The following XKR6 variants were observed in gnomAD, a reference collection of about 807,000 sequenced individuals.
XKR6 encodes the protein XK-related protein 6.
Under a neutral mutation model 56.7 loss-of-function variants are expected in XKR6, and 22 were observed. That is an observed-to-expected ratio of 0.39 (90% CI 0.28 to 0.55). The LOEUF (loss-of-function observed/expected upper bound fraction) is 0.55, where lower values mean the gene tolerates loss of function less well. Ranked by LOEUF, XKR6 falls within the 20% of genes least tolerant of loss-of-function variation. The probability of loss-of-function intolerance (pLI) is 0.66; values close to 1 mark genes in which losing one functional copy is unlikely to be tolerated. For missense variants in XKR6, 852 were observed against 889.0 expected (o/e 0.96, Z 0.53); for synonymous variants, 524 against 387.8 (o/e 1.35, Z -4.13).
At chr8:11,111,655 C>A (rs1798899725) in intron 1 of XKR6, 1 of 152,150 alleles carries the variant, frequency 6.6e-6, no homozygotes, top group African/African-American at 2.4e-5. Flanking sequence ...CAAAAGATAA[C>A]TGTCTCCAAA....
At chr8:10,933,538 G>T (rs1394246220) in intron 1 of XKR6, among the ~76,000 whole-genome samples, 3 of 122,496 alleles carry the variant, frequency 2.4e-5, no homozygotes, top group East Asian at 3.9e-4. Flanking sequence ...TAGGTCTAAC[G>T]TTTAAATCTT....
In XKR6 at chr8:11,200,465, T is replaced by C. The variant is rs1036557977; in HGVS notation, c.764+111A>G. ...CCAGGGGCGGCGCGCGGCCGGTCCC[T>C]CCTTCGAGCCCCCCGCGCTGGGCCC... On this transcript the variant is annotated intron_variant, in intron 1 of 2. Coordinates refer to ENST00000416569, the MANE Select transcript of XKR6 (RefSeq NM_173683.4). This position sits in a 1 kb window ranked among gnomAD's most constrained non-coding sequence, Gnocchi z 6.4. 2.3e-6 allele frequency: 3 copies of C among 1,285,714 alleles called. No homozygotes were observed. The highest frequency in any genetic ancestry group is 2.2e-5 in the South Asian group (1 of 45,406). 79.6% of individuals were successfully genotyped at this position (1,285,714 alleles called of 1,614,324 possible).
intron 1 of XKR6, among the ~76,000 whole-genome samples, chr8:11,160,516 C>T (rs1801743936): frequency 6.6e-6 from 1 of 152,098 alleles, no homozygotes; most frequent in Non-Finnish European, 1.5e-5. Flanking sequence ...GTCTGAGGGG[C>T]TCCAATACTG....
chr8:10,998,480 G>T (rs970902569), intron 1 of XKR6, among the ~76,000 whole-genome samples: 1 of 152,158 alleles, frequency 6.6e-6, no homozygotes, highest in Non-Finnish European at 1.5e-5. Context: ...TGACAGGCCT[G>T]GTAAGAGCTC....
intron 2 of XKR6, among the ~76,000 whole-genome samples, chr8:10,911,883 G>GTA (rs914054888): frequency 4.0e-5 from 6 of 149,680 alleles, no homozygotes; most frequent in Admixed American, 6.7e-5. Context: ...TAGAAGGTGT[G>GTA]TATATATATA....
intron 1 of XKR6, among the ~76,000 whole-genome samples, chr8:11,086,309 G>A (rs1390753608): frequency 6.6e-6 from 1 of 152,082 alleles, no homozygotes; most frequent in Non-Finnish European, 1.5e-5. Context: ...GGCCTGACCT[G>A]CAGGACATTC....
At chr8:10,901,144 T>C (rs1440584562) in intron 2 of XKR6, among the ~76,000 whole-genome samples, 1 of 150,778 alleles carries the variant, frequency 6.6e-6, no homozygotes, top group Non-Finnish European at 1.5e-5. Context: ...TGACCTCCAC[T>C]TGCCAGGTTC....
In XKR6 at chr8:10,986,408, C is replaced by T. The variant is rs116305234; in HGVS notation, c.765-61578G>A. Among the ~76,000 whole-genome samples the T allele has an allele frequency of 1.6e-3, 250 of 152,018 alleles. 1 individual carries two copies. The highest frequency in any genetic ancestry group is 5.5e-3 in the African/African-American group (230 of 41,506). ...AACATGATGCCCAGAATAAAAGGAT[C>T]TACAAATATGGTTTTTAAAATTTGT... On this transcript the variant is annotated intron_variant, in intron 1 of 2. Transcript: ENST00000416569.
chr8:11,011,997 G>C (rs1040255843), intron 1 of XKR6, among the ~76,000 whole-genome samples: 2 of 152,226 alleles, frequency 1.3e-5, no homozygotes, highest in African/African-American at 4.8e-5. Context: ...CACAGGTGGG[G>C]TGTCCACATG....
intron 1 of XKR6, among the ~76,000 whole-genome samples, chr8:11,066,522 C>T (rs1563114421): frequency 6.6e-6 from 1 of 152,174 alleles, no homozygotes. Flanking sequence ...CCTTGGTTTT[C>T]ACATTTATCC....
chr8:11,008,946 T>C (rs1452127704), intron 1 of XKR6, among the ~76,000 whole-genome samples: 2 of 152,062 alleles, frequency 1.3e-5, no homozygotes, highest in African/African-American at 2.4e-5. Flanking sequence ...TGCACAAAGG[T>C]CTTCCAACTC....
intron 1 of XKR6, among the ~76,000 whole-genome samples, chr8:10,963,193 C>T (rs1336985440): frequency 6.6e-6 from 1 of 152,258 alleles, no homozygotes; most frequent in Non-Finnish European, 1.5e-5. Flanking sequence ...TTCTCCACCA[C>T]AAACTCCTGC....
intron 1 of XKR6, among the ~76,000 whole-genome samples, chr8:10,979,174 C>G (rs2129136703): frequency 6.6e-6 from 1 of 152,090 alleles, no homozygotes; most frequent in South Asian, 2.1e-4. Context: ...ACGGCACATC[C>G]TACTCTGCCC....
At chr8:11,118,984 C>G (rs6996846) in intron 1 of XKR6, among the ~76,000 whole-genome samples, 76,907 of 151,812 alleles carry the variant, frequency 0.51, 20,711 homozygotes, top group African/African-American at 0.63. Context: ...CTTTGAATGT[C>G]TCTGAGAGAT....
chr8:11,177,548 T>C, intron 1 of XKR6, among the ~76,000 whole-genome samples: 1 of 152,002 alleles, frequency 6.6e-6, no homozygotes, highest in South Asian at 2.1e-4. Context: ...ACTGTAGATG[T>C]AGTAACTTAA....
chr8:11,082,082 G>A (rs1306628760), intron 1 of XKR6, among the ~76,000 whole-genome samples: 2 of 152,218 alleles, frequency 1.3e-5, no homozygotes, highest in Non-Finnish European at 2.9e-5. Context: ...TTTGCAGACA[G>A]AGACTCACCT....
chr8:10,954,985 C>T (rs1438921851), intron 1 of XKR6, among the ~76,000 whole-genome samples: 4 of 150,740 alleles, frequency 2.7e-5, no homozygotes, highest in Non-Finnish European at 5.9e-5. Flanking sequence ...TCTCCAGCCT[C>T]AGTCTCCCGA....
chr8:11,165,222 C>T (rs962656311), intron 1 of XKR6, among the ~76,000 whole-genome samples: 1 of 151,450 alleles, frequency 6.6e-6, no homozygotes, highest in African/African-American at 2.4e-5. Context: ...GCCTCAGCCT[C>T]CCATGTAGCT....
At chr8:11,112,108 C>T (rs185621146) in intron 1 of XKR6, among the ~76,000 whole-genome samples, 6 of 152,272 alleles carry the variant, frequency 3.9e-5, no homozygotes, top group Non-Finnish European at 7.4e-5. Context: ...ATCCACACCA[C>T]CTACTTAATT....
Sources: gnomAD v4.1 joint callset for allele counts (sites outside exome capture counted in the v4.1 genomes callset) on GRCh38, gnomAD v4.1.1 for gene constraint, Gnocchi (gnomAD v3.1) non-coding constraint, MANE v1.5 for transcripts, NCBI Gene and HGNC (gene_info 2026-07-23, HGNC 2026-07-21) for gene names.